ADARB2: variants seen among roughly 807,000 people sequenced by gnomAD.
ADARB2 encodes the protein inactive double-stranded RNA-specific editase B2.
Under a neutral mutation model 62.2 loss-of-function variants are expected in ADARB2, and 25 were observed. That is an observed-to-expected ratio of 0.40 (90% CI 0.29 to 0.56). ADARB2 has a LOEUF of 0.56. ADARB2 is among the 20% of genes least tolerant of loss of function. The pLI is 0.43. For synonymous variants in ADARB2, 572 were observed against 500.8 expected, an observed-to-expected ratio of 1.14 and a Z score of -1.90; for missense variants, 1,071 against 1,077.4, an observed-to-expected ratio of 0.99 and a Z score of 0.08.
chr10:1,629,185 G>A (rs980339057), intron 1 of ADARB2, among the ~76,000 whole-genome samples: 1 of 152,108 alleles, frequency 6.6e-6, no homozygotes, highest in African/African-American at 2.4e-5. Context: ...GTGGTTACTT[G>A]ATTTACTCTT....
chr10:1,221,298 C>T (rs1830692982), intron 6 of ADARB2, among the ~76,000 whole-genome samples: 1 of 152,132 alleles, frequency 6.6e-6, no homozygotes, highest in Non-Finnish European at 1.5e-5. Context: ...AGTCATCAGA[C>T]TCTTCATTAC....
At chr10:1,205,653 C>T (rs1199290597) in intron 7 of ADARB2, among the ~76,000 whole-genome samples, 2 of 152,282 alleles carry the variant, frequency 1.3e-5, no homozygotes, top group African/African-American at 2.4e-5. Flanking sequence ...GAGGACGCGG[C>T]ACAGGGTGCC....
intron 3 of ADARB2, among the ~76,000 whole-genome samples, chr10:1,286,538 A>G (rs929220995): frequency 6.6e-6 from 1 of 152,250 alleles, no homozygotes; most frequent in Non-Finnish European, 1.5e-5. Context: ...TGAAGGCATG[A>G]AAAGGAAAAA....
chr10:1,632,186 C>T (rs1440558869), intron 1 of ADARB2, among the ~76,000 whole-genome samples: 2 of 152,170 alleles, frequency 1.3e-5, no homozygotes, highest in East Asian at 3.8e-4. Context: ...AGAAAAACAA[C>T]ATAGATCTTA....
intron 1 of ADARB2, among the ~76,000 whole-genome samples, chr10:1,475,473 A>T (rs1016027118): frequency 6.6e-6 from 1 of 152,290 alleles, no homozygotes; most frequent in East Asian, 1.9e-4. Flanking sequence ...AGGGGACAGC[A>T]GGGGAGGGGC....
At chr10:1,605,342 G>T (rs751934589) in intron 1 of ADARB2, among the ~76,000 whole-genome samples, 4 of 152,226 alleles carry the variant, frequency 2.6e-5, no homozygotes, top group Non-Finnish European at 5.9e-5. Context: ...CTCTTACTGT[G>T]ACAATGTCAC....
chr10:1,247,208 G>A (rs1258565388), intron 4 of ADARB2, among the ~76,000 whole-genome samples: 58 of 152,280 alleles, frequency 3.8e-4, no homozygotes, highest in African/African-American at 1.2e-3. Flanking sequence ...GAAGTTGCCT[G>A]TCAGCTTAAG....
rs571077315 is a variant in ADARB2 at position 1,488,525 on chromosome 10, G to A, written c.101-109365C>T. Among the ~76,000 whole-genome samples the A allele has an allele frequency of 3.9e-5, 6 of 152,318 alleles. No individual in the cohort carries two copies. The East Asian group carries it at 1.2e-3, about 29-fold the overall frequency. On this transcript the variant is annotated intron_variant, in intron 1 of 9. Transcript: ENST00000381312. Reference sequence around the variant, plus strand: ...CCCTGGTGGGACGGTGGAGAACTTGGATATCTCTCTCCCACCAAAGAATGG... The same window carrying A: ...CCCTGGTGGGACGGTGGAGAACTTGAATATCTCTCTCCCACCAAAGAATGG...
intron 3 of ADARB2, among the ~76,000 whole-genome samples, chr10:1,338,673 A>G (rs1564261581): frequency 6.6e-6 from 1 of 151,778 alleles, no homozygotes. Context: ...GGTGGCTCCT[A>G]CGTGGGCCAG....
intron 1 of ADARB2, among the ~76,000 whole-genome samples, chr10:1,578,791 TC>T (rs34436632): frequency 0.015 from 2,339 of 151,518 alleles, 50 homozygotes; most frequent in African/African-American, 0.052. Flanking sequence ...TACAGACATG[TC>T]CCCCCCATAT....
chr10:1,517,878 G>A (rs1360919129), intron 1 of ADARB2, among the ~76,000 whole-genome samples: 2 of 152,130 alleles, frequency 1.3e-5, no homozygotes, highest in East Asian at 1.9e-4. Flanking sequence ...GAGGAAAGGG[G>A]TTCCCAAGCC....
intron 3 of ADARB2, among the ~76,000 whole-genome samples, chr10:1,333,352 C>T (rs1831946143): frequency 6.6e-6 from 1 of 152,110 alleles, no homozygotes; most frequent in Non-Finnish European, 1.5e-5. Flanking sequence ...GCTGGGTGCC[C>T]TTACCATCCA....
chr10:1,445,640 A>G (rs921724181), intron 1 of ADARB2, among the ~76,000 whole-genome samples: 2 of 152,282 alleles, frequency 1.3e-5, no homozygotes, highest in African/African-American at 2.4e-5. Context: ...ATATAGAACC[A>G]TGCTCTTAAA....
intron 1 of ADARB2, among the ~76,000 whole-genome samples, chr10:1,611,934 C>A (rs909013429): frequency 6.6e-6 from 1 of 152,182 alleles, no homozygotes; most frequent in South Asian, 2.1e-4. Context: ...TTCCCGCCCC[C>A]ACCTGCCCTT....
At chr10:1,468,296 G>A (rs1831277843) in intron 1 of ADARB2, among the ~76,000 whole-genome samples, 1 of 152,202 alleles carries the variant, frequency 6.6e-6, no homozygotes, top group Non-Finnish European at 1.5e-5. Flanking sequence ...GGCTGCCTGA[G>A]GCCAAGGGGG....
At chr10:1,415,489 A>C (rs941665843) in intron 1 of ADARB2, among the ~76,000 whole-genome samples, 1 of 55,248 alleles carries the variant, frequency 1.8e-5, no homozygotes, top group African/African-American at 4.2e-5. Context: ...TTGATACATG[A>C]GTTGGCCAGA....
chr10:1,601,880 A>G (rs969518849), intron 1 of ADARB2, among the ~76,000 whole-genome samples: 1 of 152,236 alleles, frequency 6.6e-6, no homozygotes, highest in Non-Finnish European at 1.5e-5. Context: ...ACAAAGCAAA[A>G]GCAAAAGCAT....
intron 4 of ADARB2, among the ~76,000 whole-genome samples, chr10:1,259,588 G>GAC (rs1457477684): frequency 2.0e-5 from 3 of 152,166 alleles, no homozygotes; most frequent in Non-Finnish European, 4.4e-5. Flanking sequence ...ACTCTCCCAA[G>GAC]ACTAAACCAA....
At chr10:1,338,241 C>A (rs907318597) in intron 3 of ADARB2, among the ~76,000 whole-genome samples, 1 of 152,128 alleles carries the variant, frequency 6.6e-6, no homozygotes, top group Non-Finnish European at 1.5e-5. Flanking sequence ...AGTGTTTAAC[C>A]GAACATAGCT....
Sources: allele counts gnomAD v4.1 joint callset (sites outside exome capture counted in the v4.1 genomes callset), GRCh38; gene constraint gnomAD v4.1.1; transcripts MANE v1.5; gene names NCBI Gene and HGNC (gene_info 2026-07-23, HGNC 2026-07-21).